Variants in AMHR2 observed in about 807,000 individuals in gnomAD.
The protein encoded by AMHR2 is anti-Muellerian hormone type-2 receptor.
Under a neutral mutation model 61.4 loss-of-function variants are expected in AMHR2, and 36 were observed. The ratio of observed to expected loss-of-function variants is 0.59; its 90% confidence interval spans 0.45 to 0.77. The LOEUF is 0.77. Ranked by LOEUF, AMHR2 falls within the 30% of genes least tolerant of loss-of-function variation. The pLI, the probability that AMHR2 is intolerant of heterozygous loss-of-function variation, is 0.00. For synonymous variants in AMHR2, 258 were observed against 279.4 expected (o/e 0.92, Z 0.76); for missense variants, 638 against 714.6 (o/e 0.89, Z 1.22).
At chr12:53,427,393 T>TTTTTA (rs1198181076) in intron 6 of AMHR2, among the ~76,000 whole-genome samples, 51 of 152,258 alleles carry the variant, frequency 3.3e-4, no homozygotes, top group Middle Eastern at 3.4e-3. Flanking sequence ...CGCTACCCGC[T>TTTTTA]TTTTATTTTA....
In AMHR2 at chr12:53,431,466, C is replaced by T. The variant is rs377206477; in HGVS notation, c.1715C>T (p.Pro572Leu). The T allele has an allele frequency of 6.2e-6, 10 of 1,614,096 alleles. No individual in the cohort carries two copies. The African/African-American group carries it at 1.1e-4, about 17-fold the overall frequency. Residue 572 changes from proline (P) to leucine (L), a missense_variant, in exon 11 of 11, where the codon CCT (proline) becomes CTT (leucine). Transcript: ENST00000257863. ...RNPQPACTLSPV is the reference protein window; with the variant it reads ...RNPQPACTLSLV ...CCTCAGCCTGCCTGTACCCTTTCTC[C>T]TGTGTAAATATGCAGTTTATGTGTC... is the stretch of plus-strand genomic sequence containing the variant.
intron 6 of AMHR2, among the ~76,000 whole-genome samples, chr12:53,427,633 C>T (rs1428308719): frequency 6.6e-6 from 1 of 152,168 alleles, no homozygotes; most frequent in East Asian, 1.9e-4. Flanking sequence ...AAATTCCTGA[C>T]CTCAAGTGAT....
chr12:53,428,323 C>T (rs1224352419), intron 6 of AMHR2, among the ~76,000 whole-genome samples: 2 of 152,174 alleles, frequency 1.3e-5, no homozygotes, highest in African/African-American at 4.8e-5. Context: ...TCCCACTTGC[C>T]CTCCACCTGC....
intron 6 of AMHR2, among the ~76,000 whole-genome samples, chr12:53,426,756 C>T: frequency 6.6e-6 from 1 of 152,014 alleles, no homozygotes; most frequent in East Asian, 1.9e-4. Flanking sequence ...AAGCTTGGCT[C>T]ACTGCAACCT....
Position 53,431,240 on chromosome 12 carries a change from ACAG to A in AMHR2, c.1491_1493del (p.Ala498del). The A allele has an allele frequency of 6.2e-7, 1 of 1,614,250 alleles. No homozygotes were observed. The highest frequency in any genetic ancestry group is 1.1e-5 in the South Asian group (1 of 91,088). On this transcript the variant is annotated inframe_deletion, in exon 11 of 11. Transcript: ENST00000257863. ...GGATGCAGACCCAGAAGCACGGCTGACAGCTGAGTGTGTACAGCAGCGCCTGGC... is the reference window on the plus strand; with the variant it reads ...GGATGCAGACCCAGAAGCACGGCTGACTGAGTGTGTACAGCAGCGCCTGGC...
Position 53,425,880 on chromosome 12 carries a change from G to A in AMHR2, c.813G>A (p.Leu271=), listed in dbSNP as rs772542750. ...ITASRGGPGR[L]LSGPLLVLEL... ...CCAGCCGGGGGGGTCCTGGCCGCCT[G>A]CTCTCTGGGCCCCTGCTGGTACTGG... Residue 271 remains leucine (L), a synonymous_variant, in exon 6 of 11, where the codon CTG becomes CTA. Coordinates refer to ENST00000257863, the MANE Select transcript of AMHR2 (RefSeq NM_020547.3). 1 of 1,614,074 alleles carries A rather than the reference G, an allele frequency of 6.2e-7. No individual in the cohort carries two copies. Among genetic ancestry groups the A allele is most frequent in the Non-Finnish European group, 8.5e-7 (1 of 1,180,028 alleles).
In AMHR2 at chr12:53,429,509, C is replaced by T. The variant is rs374038746; in HGVS notation, c.1024C>T (p.Arg342Trp). ...TCTGAGCAGCCAGAATGTGCTCATT[C>T]GGGAAGATGGATCGTGTGCCATTGG... ...RDLSSQNVLI[R>W]EDGSCAIGDL... Residue 342 changes from arginine to tryptophan, a missense_variant, in exon 8 of 11, where the codon CGG becomes TGG. Coordinates refer to ENST00000257863, the MANE Select transcript of AMHR2 (RefSeq NM_020547.3). 2.1e-5 allele frequency: 34 copies of T among 1,613,658 alleles called. No individual in the cohort carries two copies. Among genetic ancestry groups the T allele is most frequent in the Admixed American group, 3.3e-5 (2 of 59,952 alleles).
intron 6 of AMHR2, among the ~76,000 whole-genome samples, chr12:53,426,152 G>A (rs915070947): frequency 6.6e-6 from 1 of 152,002 alleles, no homozygotes; most frequent in Admixed American, 6.6e-5. Context: ...GCAATATGAG[G>A]AAACCCCATC....
intron 10 of AMHR2, 94 bp downstream of exon 10, chr12:53,430,376 A>G (rs866390651): frequency 1.9e-6 from 3 of 1,578,012 alleles, no homozygotes; most frequent in South Asian, 1.1e-5. Context: ...GTCTACTCCT[A>G]TCTCCACTTA....
intron 9 of AMHR2, 29 bp downstream of exon 9, chr12:53,430,007 C>A: frequency 6.2e-7 from 1 of 1,614,204 alleles, no homozygotes; most frequent in African/African-American, 1.3e-5. Context: ...GTCCCCTCTC[C>A]TGGGCTCCCC....
chr12:53,424,060 C>T, intron 1 of AMHR2, 77 bp downstream of exon 1: 1 of 1,545,246 alleles, frequency 6.5e-7, no homozygotes, highest in Non-Finnish European at 8.9e-7. Flanking sequence ...AAGAGCCACC[C>T]CTTTGGAAGA....
At chr12:53,428,265 C>T (rs1939790371) in intron 6 of AMHR2, among the ~76,000 whole-genome samples, 1 of 152,164 alleles carries the variant, frequency 6.6e-6, no homozygotes, top group African/African-American at 2.4e-5. Context: ...CGAAGGTGCT[C>T]GATGACACTT....
At chr12:53,425,996 G>A in intron 6 of AMHR2, 77 bp downstream of exon 6, 3 of 1,410,508 alleles carry the variant, frequency 2.1e-6, no homozygotes, top group Admixed American at 1.8e-5. Context: ...TGGCAGCTGG[G>A]CCCTGTTGAT....
At chr12:53,426,814 CT>C (rs2136954257) in intron 6 of AMHR2, among the ~76,000 whole-genome samples, 1 of 151,842 alleles carries the variant, frequency 6.6e-6, no homozygotes, top group East Asian at 1.9e-4. Flanking sequence ...TCCCCAGTAG[CT>C]GGGATTACAG....
chr12:53,424,874 G>T lies in AMHR2; in HGVS notation c.398G>T (p.Gly133Val), dbSNP rs1388562918. 6.2e-7 allele frequency: 1 copy of T among 1,612,854 alleles called. No homozygotes were observed. The highest frequency in any genetic ancestry group is 8.5e-7 in the Non-Finnish European group (1 of 1,179,966). The change falls in exon 3 of 11, where the codon GGC becomes GTC. Residue 133 changes from glycine to valine, a missense_variant. Physicochemically the swap from Gly to Val is moderately radical, Grantham distance 109. Coordinates refer to ENST00000257863, the MANE Select transcript of AMHR2 (RefSeq NM_020547.3). ...LPPPGSPGTPGSQGPQAAPGE... is the reference protein window; with the variant it reads ...LPPPGSPGTPVSQGPQAAPGE... ...CCTCCAGGGAGCCCTGGGACTCCTG[G>T]CTCCCAGGGTCCCCAGGCTGCCCCA...
Position 53,431,632 on chromosome 12 carries a change from G to T in AMHR2, c.*159G>T, listed in dbSNP as rs112739837. ...AGTTCTGACCAGTGACTTGGGGTAG[G>T]TGTGCACAGGAAAGAGAATAAAGTC... On this transcript the variant is annotated 3_prime_UTR_variant, in exon 11 of 11. Coordinates refer to ENST00000257863, the MANE Select transcript of AMHR2 (RefSeq NM_020547.3). 110 of 886,616 alleles carry T rather than the reference G, an allele frequency of 1.2e-4. No homozygotes were observed. In the African/African-American group the frequency reaches 1.4e-3, roughly 12 times the overall value. 54.9% of individuals were successfully genotyped at this position (886,616 alleles called of 1,614,324 possible).
Position 53,430,283 on chromosome 12 carries a change from G to C in AMHR2, c.1425+1G>C, listed in dbSNP as rs1161915271. The C allele has an allele frequency of 6.2e-7, 1 of 1,614,206 alleles. No individual in the cohort carries two copies. Among genetic ancestry groups the C allele is most frequent in the African/African-American group, 1.3e-5 (1 of 75,054 alleles). Reference sequence around the variant, plus strand: ...ATCCACCTGGCGCTGCTTTGCCACAGTAAGAGGCCTAGGCTGTTGGTCTGG... The same window carrying C: ...ATCCACCTGGCGCTGCTTTGCCACACTAAGAGGCCTAGGCTGTTGGTCTGG... On this transcript the variant is annotated splice_donor_variant, in intron 10 of 10. Coordinates refer to ENST00000257863, the MANE Select transcript of AMHR2 (RefSeq NM_020547.3). LOFTEE classifies it high-confidence loss of function.
intron 4 of AMHR2, 96 bp downstream of exon 4, chr12:53,425,338 T>A: frequency 6.2e-7 from 1 of 1,605,366 alleles, no homozygotes; most frequent in South Asian, 1.1e-5. Flanking sequence ...GGTCTTGGGA[T>A]CTCTATAGCC....
rs1358305794 is a variant in AMHR2, at chr12:53,424,364, G to T, written c.126G>T (p.Leu42=). 1 of 1,613,552 alleles carries T rather than the reference G, an allele frequency of 6.2e-7. No individual in the cohort carries two copies. The highest frequency in any genetic ancestry group is 8.5e-7 in the Non-Finnish European group (1 of 1,180,006). ...GAAGCACAAAGACACTGGGAGAGCT[G>T]CTAGATACAGGCACAGAGCTCCCCA... ...VRGSTKTLGE[L]LDTGTELPRA... The change falls in exon 2 of 11, where the codon CTG becomes CTT. Residue 42 remains leucine (L), a synonymous_variant. Coordinates refer to ENST00000257863, the MANE Select transcript of AMHR2 (RefSeq NM_020547.3).
Sources: gnomAD v4.1 joint callset for allele counts (sites outside exome capture counted in the v4.1 genomes callset) on GRCh38, gnomAD v4.1.1 for gene constraint, MANE v1.5 for transcripts, NCBI Gene and HGNC (gene_info 2026-07-23, HGNC 2026-07-21) for gene names.